AK8: variants seen among roughly 807,000 people sequenced by gnomAD.
AK8 encodes ATP-AMP transphosphorylase 8.
A neutral mutation model predicts 54.6 loss-of-function variants in AK8; 44 were observed. The observed-to-expected ratio is 0.81, with a 90% confidence interval of 0.63 to 1.04. The LOEUF (loss-of-function observed/expected upper bound fraction) is 1.04, where lower values mean the gene tolerates loss of function less well. AK8 is among the 50% of genes least tolerant of loss of function. The pLI, the probability that AK8 is intolerant of heterozygous loss-of-function variation, is 0.00. For synonymous variants in AK8, 239 were observed against 245.6 expected (o/e 0.97, Z 0.25); for missense variants, 555 against 613.6 (o/e 0.90, Z 1.01).
At chr9:132,795,482 C>T (rs1483084651) in intron 10 of AK8, among the ~76,000 whole-genome samples, 1 of 152,192 alleles carries the variant, frequency 6.6e-6, no homozygotes, top group African/African-American at 2.4e-5. Context: ...TGAATAAATA[C>T]CGATTTAAAA....
Position 132,792,734 on chromosome 9 carries a change from C to T in AK8, c.1021G>A (p.Asp341Asn). 6.4e-7 allele frequency: 1 copy of T among 1,558,542 alleles called. No individual in the cohort carries two copies. The highest frequency in any genetic ancestry group is 1.4e-5 in the African/African-American group (1 of 73,598). Residue 341 changes from aspartate (D) to asparagine (N), a missense_variant, in exon 11 of 13, where the codon GAC becomes AAC. By Grantham distance (23) the Asp-to-Asn change is conservative. Transcript: ENST00000298545. ...LLMKVLSQRL[D>N]QQDCIQKGWV... Reference sequence around the variant, plus strand: ...CCTTTCTGGATGCAGTCCTGCTGGTCCAGGCGCTGGCTCAGCACCTTCATG... The same window carrying T: ...CCTTTCTGGATGCAGTCCTGCTGGTTCAGGCGCTGGCTCAGCACCTTCATG...
chr9:132,789,704 G>A (rs1436180933), intron 11 of AK8, among the ~76,000 whole-genome samples: 1 of 151,830 alleles, frequency 6.6e-6, no homozygotes, highest in Non-Finnish European at 1.5e-5. Flanking sequence ...GGGTCTAACT[G>A]GGCTTAGGTC....
At chr9:132,737,869 T>C (rs544612123) in intron 11 of AK8, among the ~76,000 whole-genome samples, 56 of 152,268 alleles carry the variant, frequency 3.7e-4, no homozygotes, top group African/African-American at 1.3e-3. Flanking sequence ...GAGTCCTGGA[T>C]TGTACAATAA....
At chr9:132,778,963 T>G (rs1381699268) in intron 11 of AK8, among the ~76,000 whole-genome samples, 1 of 148,482 alleles carries the variant, frequency 6.7e-6, no homozygotes, top group Non-Finnish European at 1.5e-5. Flanking sequence ...TCGCCGCATG[T>G]GTTACCAGAA....
chr9:132,874,924 A>G (rs1326172319), intron 2 of AK8, among the ~76,000 whole-genome samples, 191 bp downstream of exon 2: 1 of 152,166 alleles, frequency 6.6e-6, no homozygotes, highest in African/African-American at 2.4e-5. Context: ...CACCACCTCA[A>G]GTTGATGAAA....
intron 11 of AK8, among the ~76,000 whole-genome samples, chr9:132,741,285 A>G (rs1442212241): frequency 1.3e-5 from 2 of 152,232 alleles, no homozygotes; most frequent in African/African-American, 4.8e-5. Context: ...CACACTTGGA[A>G]GTTAGCAGTC....
intron 5 of AK8, among the ~76,000 whole-genome samples, chr9:132,846,361 G>A (rs969143924): frequency 2.0e-5 from 3 of 152,186 alleles, no homozygotes; most frequent in Admixed American, 6.5e-5. Flanking sequence ...TCTAACTGAC[G>A]TGACTCCTTT....
chr9:132,807,651 C>A (rs1389444511), intron 10 of AK8, among the ~76,000 whole-genome samples: 2 of 152,144 alleles, frequency 1.3e-5, no homozygotes, highest in Non-Finnish European at 2.9e-5. Flanking sequence ...GTCCCTGGAC[C>A]CTAATTTATG....
In AK8 at chr9:132,832,872, T is replaced by G. The variant is rs149245918; in HGVS notation, c.403-4146A>C. On this transcript the variant is annotated intron_variant, in intron 5 of 12. Coordinates refer to ENST00000298545, the MANE Select transcript of AK8 (RefSeq NM_152572.3). ...TCATTCTGGTGCAGATGTGAAAATCTAAAAGGAAGAAGGTGGGGGGCTCTG... is the reference window on the plus strand; with the variant it reads ...TCATTCTGGTGCAGATGTGAAAATCGAAAAGGAAGAAGGTGGGGGGCTCTG... Among the ~76,000 whole-genome samples, 940 of 152,234 alleles carry G rather than the reference T, an allele frequency of 6.2e-3. 3 individuals carry two copies. Among genetic ancestry groups the G allele is most frequent in the African/African-American group, 0.018 (749 of 41,552 alleles).
intron 9 of AK8, among the ~76,000 whole-genome samples, chr9:132,815,023 G>A (rs1439461200): frequency 6.6e-6 from 1 of 152,256 alleles, no homozygotes; most frequent in East Asian, 1.9e-4. Context: ...GAGGAGCCCT[G>A]CAGGGCCTCG....
At chr9:132,869,662 A>C (rs1354952074) in intron 2 of AK8, among the ~76,000 whole-genome samples, 2 of 152,216 alleles carry the variant, frequency 1.3e-5, no homozygotes, top group African/African-American at 4.8e-5. Flanking sequence ...GGCCCTCCCC[A>C]TGGGTGAGAG....
rs376287468 is a variant in AK8, at chr9:132,741,978, A to C, written c.1122-14444T>G. On this transcript the variant is annotated intron_variant, in intron 11 of 12. Coordinates refer to ENST00000298545, the MANE Select transcript of AK8 (RefSeq NM_152572.3). The stretch of plus-strand genomic sequence containing the variant: ...TTAAATGAGATGACCCATAGAAAGC[A>C]CTTAACACATAATTACATAGAATAT... Among the ~76,000 whole-genome samples the C allele has an allele frequency of 3.3e-5, 5 of 152,324 alleles. No individual in the cohort carries two copies. In the South Asian group the frequency reaches 6.2e-4, roughly 19 times the overall value.
intron 11 of AK8, among the ~76,000 whole-genome samples, chr9:132,784,854 AC>A (rs1469327640): frequency 6.6e-6 from 1 of 152,202 alleles, no homozygotes; most frequent in Non-Finnish European, 1.5e-5. Context: ...AAATATATAA[AC>A]AACTGGTGTT....
At position 132,727,513 on chromosome 9, in the gene AK8, T is replaced by C. The variant is rs150108839; in HGVS notation, c.1143A>G (p.Pro381=). 9.9e-6 allele frequency: 16 copies of C among 1,614,052 alleles called. No individual in the cohort carries two copies. The African/African-American group carries it at 1.6e-4, about 16-fold the overall frequency. The change falls in exon 12 of 13, where the codon CCA becomes CCG. Residue 381 remains proline, a synonymous_variant. Transcript: ENST00000298545. ...TCAGCCGCTCCATGATGGAATCAAA[T>C]GGCACATTCAGGAAAAACACCCTAT... The part of the protein sequence containing the change: ...NPNRVFFLNV[P]FDSIMERLTL...
At chr9:132,834,188 GGTTTCCCAACATA>G (rs777708228) in intron 5 of AK8, among the ~76,000 whole-genome samples, 8 of 152,210 alleles carry the variant, frequency 5.3e-5, no homozygotes, top group Admixed American at 2.0e-4. Flanking sequence ...GGCCTAATGT[GGTTTCCCAACATA>G]GAGGAGAGAG....
chr9:132,875,891 G>A (rs1260580528), intron 1 of AK8, among the ~76,000 whole-genome samples: 3 of 152,248 alleles, frequency 2.0e-5, no homozygotes, highest in African/African-American at 4.8e-5. Flanking sequence ...GAATGGAACA[G>A]AATGTTACCA....
chr9:132,832,155 A>T (rs1429229069), intron 5 of AK8, among the ~76,000 whole-genome samples: 1 of 151,332 alleles, frequency 6.6e-6, no homozygotes, highest in Non-Finnish European at 1.5e-5. Context: ...TTTAAAAAAA[A>T]AAAAAAAAAA....
chr9:132,790,453 T>G lies in AK8; in HGVS notation c.1121+2181A>C, dbSNP rs1227152572. Among the ~76,000 whole-genome samples the G allele has an allele frequency of 2.6e-5, 4 of 152,166 alleles. No individual in the cohort carries two copies. Among genetic ancestry groups the G allele is most frequent in the Non-Finnish European group, 5.9e-5 (4 of 68,038 alleles). Reference sequence around the variant, plus strand: ...TTTTTAGTAGAGACGGGTTTCACCATGTTAGCCAGGATGGTCTCGATCTCC... The same window carrying G: ...TTTTTAGTAGAGACGGGTTTCACCAGGTTAGCCAGGATGGTCTCGATCTCC... On this transcript the variant is annotated intron_variant, in intron 11 of 12. Transcript: ENST00000298545. This position sits in a 1 kb window ranked among gnomAD's most constrained non-coding sequence, Gnocchi z 4.1.
chr9:132,859,241 T>C (rs1261627175), intron 4 of AK8, among the ~76,000 whole-genome samples: 1 of 151,812 alleles, frequency 6.6e-6, no homozygotes, highest in East Asian at 1.9e-4. Context: ...CAGACAGAGG[T>C]AGGATGAGGG....
Sources: allele counts gnomAD v4.1 joint callset (sites outside exome capture counted in the v4.1 genomes callset), GRCh38; gene constraint gnomAD v4.1.1; non-coding constraint Gnocchi (gnomAD v3.1); transcripts MANE v1.5; gene names NCBI Gene and HGNC (gene_info 2026-07-23, HGNC 2026-07-21).